Variants in ZC3H11A observed in about 807,000 individuals in gnomAD.
ZC3H11A encodes zinc finger CCCH-type containing 11A, also known as zinc finger CCCH domain-containing protein 11A.
In ZC3H11A, 22 loss-of-function variants were observed where a neutral mutation model predicts 90.8. The observed-to-expected ratio is 0.24, with a 90% confidence interval of 0.17 to 0.35. The LOEUF (loss-of-function observed/expected upper bound fraction) is 0.35, where lower values mean the gene tolerates loss of function less well. Among genes scored for constraint, ZC3H11A ranks in the 10% least tolerant of loss-of-function variants. The probability of loss-of-function intolerance (pLI) is 1.00; values close to 1 mark genes in which losing one functional copy is unlikely to be tolerated. For missense variants in ZC3H11A, 701 were observed against 964.9 expected, an observed-to-expected ratio of 0.73 and a Z score of 3.62; for synonymous variants, 294 against 339.8, an observed-to-expected ratio of 0.87 and a Z score of 1.48.
At chr1:203,851,272 G>A (rs1689186082) in intron 17 of ZC3H11A, 148 bp downstream of exon 17, 3 of 735,728 alleles carry the variant, frequency 4.1e-6, no homozygotes, top group Non-Finnish European at 6.5e-6. Context: ...GAAAATCTAG[G>A]GTTGCTGTTC....
chr1:203,840,515 T>C (rs1243703080), intron 12 of ZC3H11A, 141 bp downstream of exon 12: 4 of 732,942 alleles, frequency 5.5e-6, no homozygotes, highest in Non-Finnish European at 8.6e-6. Context: ...AAGTAATTGA[T>C]CAAGTCAGCT....
Position 203,844,616 on chromosome 1 carries a change from C to A in ZC3H11A, c.1043-2568C>A, listed in dbSNP as rs146295620. Reference sequence around the variant, plus strand: ...GTTGTAAGTACCTGGCTTGGGTTTCCTTTCATTTTAAAGACCCTTTCCCCA... The same window carrying A: ...GTTGTAAGTACCTGGCTTGGGTTTCATTTCATTTTAAAGACCCTTTCCCCA... On this transcript the variant is annotated intron_variant, in intron 12 of 17. Transcript: ENST00000367210. 9.1e-3 allele frequency among the ~76,000 whole-genome samples: 1,374 copies of A among 151,652 alleles called. 9 individuals carry two copies. Among genetic ancestry groups the A allele is most frequent in the Non-Finnish European group, 0.014 (971 of 67,872 alleles).
chr1:203,797,135 A>G (rs1257256548), intron 1 of ZC3H11A: 1 of 158,014 alleles, frequency 6.3e-6, no homozygotes, highest in African/African-American at 2.4e-5. Flanking sequence ...CATTTCAAGT[A>G]GATATAGTTC....
intron 4 of ZC3H11A, among the ~76,000 whole-genome samples, chr1:203,825,731 G>A (rs943705970): frequency 6.6e-5 from 10 of 151,990 alleles, no homozygotes; most frequent in African/African-American, 2.4e-4. Context: ...GGCATGTGGA[G>A]GATATTACTA....
Position 203,834,835 on chromosome 1 carries a change from G to A in ZC3H11A, c.874+982G>A, listed in dbSNP as rs1245179536. Among the ~76,000 whole-genome samples, 4 of 152,176 alleles carry A rather than the reference G, an allele frequency of 2.6e-5. No individual in the cohort carries two copies. The East Asian group carries it at 5.8e-4, about 22-fold the overall frequency. On this transcript the variant is annotated intron_variant, in intron 10 of 17. Transcript: ENST00000367210. ...TTTTTGTATTTTTAGTAGAGATGGG[G>A]TTTCCACCATGTTGGCCAGGCTGGT...
intron 2 of ZC3H11A, among the ~76,000 whole-genome samples, chr1:203,804,860 A>G (rs1671747495): frequency 1.3e-5 from 2 of 151,272 alleles, no homozygotes; most frequent in Non-Finnish European, 2.9e-5. Context: ...TTTAGTAGAG[A>G]TGGGGTTTCA....
At position 203,850,046 on chromosome 1, in the gene ZC3H11A, G is replaced by A. The variant is rs1572377340; in HGVS notation, c.1939+20G>A. ...GTAAAGGCAAGTATTTCTATACTGT[G>A]TATTGCTTTAGGTTATCAAAATTAC... is the stretch of plus-strand genomic sequence containing the variant. On this transcript the variant is annotated intron_variant, in intron 15 of 17. Transcript: ENST00000367210. 1 of 1,612,322 alleles carries A rather than the reference G, an allele frequency of 6.2e-7. No homozygotes were observed. Among genetic ancestry groups the A allele is most frequent in the East Asian group, 2.2e-5 (1 of 44,850 alleles).
Position 203,829,570 on chromosome 1 carries a change from A to G in ZC3H11A, c.418A>G (p.Lys140Glu). The G allele has an allele frequency of 6.2e-7, 1 of 1,614,140 alleles. No individual in the cohort carries two copies. Among genetic ancestry groups the G allele is most frequent in the Non-Finnish European group, 8.5e-7 (1 of 1,180,018 alleles). The part of the protein sequence containing the change: ...NPSPQLRSVM[K>E]VESSENVPSP... Reference sequence around the variant, plus strand: ...TTCCCCTCAGCTGCGGAGCGTTATGAAAGTAGAAAGTTCCGAAAATGTTCC... The same window carrying G: ...TTCCCCTCAGCTGCGGAGCGTTATGGAAGTAGAAAGTTCCGAAAATGTTCC... Residue 140 changes from lysine (K) to glutamate (E), a missense_variant, in exon 6 of 18, where the codon AAA (lysine) becomes GAA (glutamate). Physicochemically the swap from Lys to Glu is moderately conservative, Grantham distance 56 (BLOSUM62 1). Around this residue, in one of 4 missense-constraint regions of ZC3H11A, gnomAD observed 530 missense variants for 696.2 expected, o/e 0.76. Coordinates refer to ENST00000367210, the MANE Select transcript of ZC3H11A (RefSeq NM_001376342.1).
intron 4 of ZC3H11A, among the ~76,000 whole-genome samples, chr1:203,821,009 TGTG>T (rs1160057393): frequency 6.6e-6 from 1 of 152,202 alleles, no homozygotes; most frequent in African/African-American, 2.4e-5. Context: ...AATGCAAACT[TGTG>T]GTGATACGTT....
intron 1 of ZC3H11A, chr1:203,799,277 G>A: frequency 1.4e-6 from 1 of 737,500 alleles, no homozygotes; most frequent in South Asian, 1.5e-5. Flanking sequence ...CATGCTTCCT[G>A]CATTGTTTAA....
intron 1 of ZC3H11A, chr1:203,797,777 T>G: frequency 6.5e-7 from 1 of 1,535,996 alleles, no homozygotes; most frequent in Non-Finnish European, 8.7e-7. Context: ...CCAAAAAGTT[T>G]AGTAAGGATT....
At chr1:203,833,745 AG>A in intron 9 of ZC3H11A, 45 bp from the exon 10 acceptor site, 1 of 1,568,576 alleles carries the variant, frequency 6.4e-7, no homozygotes, top group East Asian at 2.3e-5. Flanking sequence ...TACTGAATAC[AG>A]AAAAATTGAC....
intron 5 of ZC3H11A, chr1:203,829,214 C>G (rs570604274): frequency 3.6e-5 from 20 of 559,520 alleles, no homozygotes; most frequent in Middle Eastern, 4.4e-4. Flanking sequence ...TTCTAGTCTT[C>G]TGTTGATTCT....
intron 4 of ZC3H11A, among the ~76,000 whole-genome samples, chr1:203,821,450 A>G (rs1168795446): frequency 6.6e-6 from 1 of 152,114 alleles, no homozygotes; most frequent in Non-Finnish European, 1.5e-5. Context: ...CGATTGACCC[A>G]GATTTGGCAA....
chr1:203,840,506 A>G, intron 12 of ZC3H11A, 132 bp downstream of exon 12: 3 of 840,836 alleles, frequency 3.6e-6, no homozygotes, highest in Admixed American at 3.1e-5. Flanking sequence ...TTGTTTTTTA[A>G]GTAATTGATC....
intron 14 of ZC3H11A, among the ~76,000 whole-genome samples, chr1:203,848,625 C>T (rs1380206378): frequency 6.6e-6 from 1 of 152,180 alleles, no homozygotes; most frequent in African/African-American, 2.4e-5. Flanking sequence ...CGGTGGCTCA[C>T]GCCTGTAATC....
chr1:203,820,510 C>T (rs936317254), intron 4 of ZC3H11A, among the ~76,000 whole-genome samples: 4 of 127,908 alleles, frequency 3.1e-5, no homozygotes, highest in African/African-American at 8.5e-5. Context: ...CAGAGTCTCG[C>T]GCTGTTACCC....
At chr1:203,816,522 G>A (rs1676430199) in intron 2 of ZC3H11A, among the ~76,000 whole-genome samples, 2 of 152,032 alleles carry the variant, frequency 1.3e-5, no homozygotes, top group Admixed American at 6.6e-5. Context: ...CTGGATACTT[G>A]GGGGAGGCTG....
chr1:203,851,844 C>T (rs763247610), intron 17 of ZC3H11A, among the ~76,000 whole-genome samples: 34 of 151,656 alleles, frequency 2.2e-4, no homozygotes, highest in Non-Finnish European at 4.4e-4. Context: ...TGACACACAC[C>T]TGTAGACCCA....
Sources: allele counts gnomAD v4.1 joint callset (sites outside exome capture counted in the v4.1 genomes callset), GRCh38; gene constraint gnomAD v4.1.1; regional missense constraint gnomAD v4.1.1; transcripts MANE v1.5; gene names NCBI Gene and HGNC (gene_info 2026-07-23, HGNC 2026-07-21).